SHB: variants seen among roughly 807,000 people sequenced by gnomAD.
SHB encodes the protein SH2 domain-containing adapter protein B.
A neutral mutation model predicts 52.3 loss-of-function variants in SHB; 20 were observed. The ratio of observed to expected loss-of-function variants is 0.38; its 90% CI spans 0.27 to 0.56. The LOEUF is 0.56. Among genes scored for constraint, SHB ranks in the 20% least tolerant of loss-of-function variants. SHB has a pLI of 0.71. For missense variants in SHB, 825 were observed against 723.3 expected (o/e 1.14, Z -1.61); for synonymous variants, 397 against 316.5 (o/e 1.25, Z -2.70).
chr9:37,923,017 C>T (rs1260851201), intron 5 of SHB, among the ~76,000 whole-genome samples: 1 of 152,242 alleles, frequency 6.6e-6, no homozygotes, highest in Non-Finnish European at 1.5e-5. Context: ...GGGCATTGGC[C>T]AGGATTGCCT....
At chr9:37,995,685 G>C (rs1820938337) in intron 2 of SHB, among the ~76,000 whole-genome samples, 1 of 152,178 alleles carries the variant, frequency 6.6e-6, no homozygotes, top group Non-Finnish European at 1.5e-5. Context: ...AGGAATATTA[G>C]GGGGCAGAGG....
intron 1 of SHB, among the ~76,000 whole-genome samples, chr9:38,065,654 A>G (rs964633094): frequency 3.3e-5 from 5 of 152,156 alleles, no homozygotes; most frequent in African/African-American, 7.2e-5. Context: ...CAACTTCTCA[A>G]AAGATCAAAG....
rs1486954392 is a variant in SHB at position 37,916,666 on chromosome 9, GA to G, written c.*3154del. On this transcript the variant is annotated 3_prime_UTR_variant, in exon 6 of 6. Transcript: ENST00000377707. ...CGGAGTCTTTGCACCCCTTTCCTGG[GA>G]ACAGCTACGCTGTGAGCCTCTCTCC... is the stretch of plus-strand genomic sequence containing the variant. Among the ~76,000 whole-genome samples the G allele has an allele frequency of 2.6e-5, 4 of 152,334 alleles. No homozygotes were observed. The East Asian group carries it at 7.7e-4, about 29-fold the overall frequency.
At chr9:38,022,760 G>C (rs990591899) in intron 1 of SHB, among the ~76,000 whole-genome samples, 37 of 152,226 alleles carry the variant, frequency 2.4e-4, no homozygotes, top group Non-Finnish European at 1.5e-5. Context: ...GCCGCTCAGA[G>C]AAGCGGTAGT....
rs574145996 is a variant in SHB at position 37,917,522 on chromosome 9, C to A, written c.*2299G>T. Among the ~76,000 whole-genome samples the A allele has an allele frequency of 3.9e-5, 6 of 152,336 alleles. No homozygotes were observed. The highest frequency in any genetic ancestry group is 3.3e-4 in the Admixed American group (5 of 15,304). ...GCCTCAGGAAGTGGCTGGACCTGAA[C>A]TTGCCAGTGTGAGGTCTCACCCTCC... On this transcript the variant is annotated 3_prime_UTR_variant, in exon 6 of 6. Coordinates refer to ENST00000377707, the MANE Select transcript of SHB (RefSeq NM_003028.3).
intron 1 of SHB, among the ~76,000 whole-genome samples, chr9:38,033,451 AT>A (rs1477827913): frequency 6.6e-6 from 1 of 152,164 alleles, no homozygotes; most frequent in East Asian, 1.9e-4. Flanking sequence ...TGCTGGTAGA[AT>A]TTGGGAAGAT....
chr9:38,025,150 A>T (rs888186705), intron 1 of SHB, among the ~76,000 whole-genome samples: 22 of 152,136 alleles, frequency 1.4e-4, no homozygotes, highest in Non-Finnish European at 2.4e-4. Flanking sequence ...CAACTGCCTC[A>T]CAGAAGAACC....
intron 5 of SHB, among the ~76,000 whole-genome samples, chr9:37,933,484 G>A (rs1356610550): frequency 6.6e-6 from 1 of 152,198 alleles, no homozygotes; most frequent in African/African-American, 2.4e-5. Context: ...GGCTGGAAGT[G>A]GAGTGGAGGT....
chr9:37,938,297 C>T (rs1465490574), intron 5 of SHB, among the ~76,000 whole-genome samples: 1 of 152,166 alleles, frequency 6.6e-6, no homozygotes, highest in Non-Finnish European at 1.5e-5. Context: ...CCCCGGGCTC[C>T]TGATCACAGC....
chr9:37,981,561 T>C (rs1292658641), intron 2 of SHB, among the ~76,000 whole-genome samples: 1 of 103,184 alleles, frequency 9.7e-6, no homozygotes, highest in Non-Finnish European at 1.9e-5. Context: ...GAGTGACACT[T>C]TTAATTTTCT....
At chr9:37,991,980 G>T (rs1340623095) in intron 2 of SHB, among the ~76,000 whole-genome samples, 3 of 152,336 alleles carry the variant, frequency 2.0e-5, no homozygotes, top group Admixed American at 1.3e-4. Context: ...CATGCTTCTG[G>T]TGACTAGTGG....
At chr9:37,956,935 T>A (rs1287342395) in intron 3 of SHB, among the ~76,000 whole-genome samples, 3 of 152,236 alleles carry the variant, frequency 2.0e-5, no homozygotes, top group Non-Finnish European at 4.4e-5. Flanking sequence ...GCTGTTATTA[T>A]AAATCACACT....
At chr9:37,967,298 T>A (rs1418224131) in intron 3 of SHB, among the ~76,000 whole-genome samples, 5 of 152,206 alleles carry the variant, frequency 3.3e-5, no homozygotes, top group Non-Finnish European at 7.3e-5. Flanking sequence ...GGCTCTGAGA[T>A]GATTCATAGT....
At chr9:37,947,694 A>C (rs1396741056) in intron 5 of SHB, among the ~76,000 whole-genome samples, 1 of 152,194 alleles carries the variant, frequency 6.6e-6, no homozygotes, top group Non-Finnish European at 1.5e-5. Context: ...GTTTTACTGA[A>C]GCCTCTGTCT....
At chr9:37,930,013 G>A (rs1221502803) in intron 5 of SHB, among the ~76,000 whole-genome samples, 1 of 152,102 alleles carries the variant, frequency 6.6e-6, no homozygotes, top group Non-Finnish European at 1.5e-5. Flanking sequence ...GAGGTGGGAG[G>A]ATTGCTTGAG....
rs556503957 is a variant in SHB at position 38,059,392 on chromosome 9, A to G, written c.717+8537T>C. 7.2e-5 allele frequency among the ~76,000 whole-genome samples: 11 copies of G among 152,290 alleles called. No individual in the cohort carries two copies. The South Asian group carries it at 2.3e-3, about 32-fold the overall frequency. On this transcript the variant is annotated intron_variant, in intron 1 of 5. Coordinates refer to ENST00000377707, the MANE Select transcript of SHB (RefSeq NM_003028.3). ...TCCATCCCCTGGACCCACCTCCAAG[A>G]TCCTTCCTTTACAGCATAATGGGAA...
chr9:37,985,882 C>A (rs1820801240), intron 2 of SHB, among the ~76,000 whole-genome samples: 1 of 152,242 alleles, frequency 6.6e-6, no homozygotes, highest in Admixed American at 6.5e-5. Flanking sequence ...AGGCACTGTC[C>A]TGTGTCCTGG....
At chr9:38,008,204 C>T (rs1307000272) in intron 2 of SHB, among the ~76,000 whole-genome samples, 2 of 152,178 alleles carry the variant, frequency 1.3e-5, no homozygotes, top group African/African-American at 2.4e-5. Context: ...AAAACCTGAA[C>T]GTGCTCAGTG....
At chr9:38,023,946 G>A (rs1032030831) in intron 1 of SHB, among the ~76,000 whole-genome samples, 26 of 152,124 alleles carry the variant, frequency 1.7e-4, no homozygotes, top group African/African-American at 5.8e-4. Flanking sequence ...CTCCTTATAG[G>A]CACGCCAATA....
Sources: gnomAD v4.1 joint callset for allele counts (sites outside exome capture counted in the v4.1 genomes callset) on GRCh38, gnomAD v4.1.1 for gene constraint, MANE v1.5 for transcripts, NCBI Gene and HGNC (gene_info 2026-07-23, HGNC 2026-07-21) for gene names.